The following TAFA2 variants were observed in gnomAD, a reference collection of about 807,000 sequenced individuals.
The protein encoded by TAFA2 is TAFA chemokine like family member 2.
Under a neutral mutation model 18.8 loss-of-function variants are expected in TAFA2, and 7 were observed. That is an observed-to-expected ratio of 0.37 (90% confidence interval 0.21 to 0.70). The LOEUF is 0.70. Ranked by LOEUF, TAFA2 falls within the 30% of genes least tolerant of loss-of-function variation. The pLI is 0.53. For synonymous variants in TAFA2, 60 were observed against 54.2 expected, an observed-to-expected ratio of 1.11 and a Z score of -0.47; for missense variants, 122 against 158.1, an observed-to-expected ratio of 0.77 and a Z score of 1.23.
At chr12:61,912,517 TAA>T (rs1299033766) in intron 1 of TAFA2, among the ~76,000 whole-genome samples, 2 of 152,224 alleles carry the variant, frequency 1.3e-5, no homozygotes, top group African/African-American at 4.8e-5. Context: ...GAATAGAAGT[TAA>T]GTCATAACGA....
chr12:61,788,403 C>T (rs1007696303), intron 2 of TAFA2, among the ~76,000 whole-genome samples: 1 of 151,700 alleles, frequency 6.6e-6, no homozygotes, highest in African/African-American at 2.4e-5. Context: ...GCAGAATACA[C>T]ATTTTTCTCA....
At chr12:62,170,405 C>T (rs902376695) in intron 1 of TAFA2, among the ~76,000 whole-genome samples, 21 of 152,068 alleles carry the variant, frequency 1.4e-4, no homozygotes, top group East Asian at 3.9e-4. Context: ...GAAATGTTGC[C>T]AAGACATGAA....
intron 1 of TAFA2, among the ~76,000 whole-genome samples, chr12:62,241,924 G>T (rs550146589): frequency 6.6e-6 from 1 of 152,218 alleles, no homozygotes; most frequent in African/African-American, 2.4e-5. Context: ...GGTAAAAAAA[G>T]GATATTTTTA....
chr12:61,988,931 A>G (rs1342188772), intron 1 of TAFA2, among the ~76,000 whole-genome samples: 2 of 152,182 alleles, frequency 1.3e-5, no homozygotes, highest in Non-Finnish European at 2.9e-5. Flanking sequence ...TCCAACCTCC[A>G]TATATGGGCA....
intron 2 of TAFA2, among the ~76,000 whole-genome samples, chr12:61,856,449 G>T (rs1317977031): frequency 6.6e-6 from 1 of 151,954 alleles, no homozygotes; most frequent in African/African-American, 2.4e-5. Flanking sequence ...AAAAGAGGAT[G>T]AAATTGGAAA....
intron 1 of TAFA2, among the ~76,000 whole-genome samples, chr12:62,153,325 C>T (rs1387911451): frequency 6.6e-6 from 1 of 152,036 alleles, no homozygotes; most frequent in African/African-American, 2.4e-5. Flanking sequence ...TCTAATTAGA[C>T]AAGATTTCTG....
chr12:62,085,482 C>T (rs1282798990), intron 1 of TAFA2, among the ~76,000 whole-genome samples: 1 of 152,044 alleles, frequency 6.6e-6, no homozygotes, highest in African/African-American at 2.4e-5. Flanking sequence ...TTAATTAATT[C>T]TCATGCTGGC....
At chr12:62,058,356 C>T (rs1882241313) in intron 1 of TAFA2, among the ~76,000 whole-genome samples, 1 of 152,110 alleles carries the variant, frequency 6.6e-6, no homozygotes, top group Non-Finnish European at 1.5e-5. Flanking sequence ...CTCCCTCATT[C>T]TCTCTCTCCT....
At chr12:61,932,920 C>G (rs1370611539) in intron 1 of TAFA2, among the ~76,000 whole-genome samples, 1 of 152,196 alleles carries the variant, frequency 6.6e-6, no homozygotes. Context: ...GCATGGTAGA[C>G]TCTCTGCTGT....
intron 1 of TAFA2, among the ~76,000 whole-genome samples, chr12:61,987,325 A>G (rs1477697801): frequency 1.3e-5 from 2 of 152,200 alleles, no homozygotes; most frequent in African/African-American, 2.4e-5. Flanking sequence ...AATGAGTGCT[A>G]TGTCCACACA....
intron 1 of TAFA2, among the ~76,000 whole-genome samples, chr12:62,116,510 AG>A (rs1207445815): frequency 1.3e-5 from 2 of 151,660 alleles, no homozygotes; most frequent in Non-Finnish European, 2.9e-5. Context: ...TTTATTTAAC[AG>A]TGGTTAATTT....
intron 1 of TAFA2, among the ~76,000 whole-genome samples, chr12:61,893,388 CT>C (rs1383044166): frequency 6.6e-6 from 1 of 152,144 alleles, no homozygotes; most frequent in Non-Finnish European, 1.5e-5. Flanking sequence ...TTCCAATAAG[CT>C]TTGCTATGAA....
chr12:62,002,752 TC>T (rs2136702545), intron 1 of TAFA2, among the ~76,000 whole-genome samples: 1 of 152,290 alleles, frequency 6.6e-6, no homozygotes, highest in South Asian at 2.1e-4. Flanking sequence ...CATATCATAC[TC>T]CCTATTCTAG....
intron 4 of TAFA2, among the ~76,000 whole-genome samples, chr12:61,722,089 A>T (rs1261038921): frequency 6.6e-6 from 1 of 152,210 alleles, no homozygotes; most frequent in Admixed American, 6.6e-5. Flanking sequence ...AATAATAAAT[A>T]ATAAATCGTA....
chr12:61,876,922 G>A (rs748779661), intron 1 of TAFA2, among the ~76,000 whole-genome samples: 1 of 152,200 alleles, frequency 6.6e-6, no homozygotes, highest in Non-Finnish European at 1.5e-5. Flanking sequence ...AAGAGACAGC[G>A]ATGCTGGGAC....
chr12:61,867,246 G>A, intron 2 of TAFA2, 74 bp downstream of exon 2: 1 of 963,906 alleles, frequency 1.0e-6, no homozygotes, highest in Non-Finnish European at 1.6e-6. Flanking sequence ...GACCAGTGGA[G>A]GCAAAACATA....
intron 1 of TAFA2, among the ~76,000 whole-genome samples, chr12:61,931,213 T>A (rs2121394446): frequency 6.6e-6 from 1 of 152,324 alleles, no homozygotes; most frequent in African/African-American, 2.4e-5. Flanking sequence ...CTCTAATCCA[T>A]TTCATGTGTT....
intron 4 of TAFA2, among the ~76,000 whole-genome samples, chr12:61,738,307 A>ACG (rs1188935699): frequency 8.2e-4 from 120 of 146,554 alleles, no homozygotes; most frequent in Non-Finnish European, 4.3e-4. Flanking sequence ...ACACACACAC[A>ACG]CACACACACA....
Position 62,013,642 on chromosome 12 carries a change from G to A in TAFA2, c.-1-146216C>T, listed in dbSNP as rs566497571. ...CACAGTGTGAGTAATGAACTGCACT[G>A]TAAGTTGTACAGAATCATTTAATGA... On this transcript the variant is annotated intron_variant, in intron 1 of 4. Transcript: ENST00000416284. Among the ~76,000 whole-genome samples, 3 of 152,254 alleles carry A rather than the reference G, an allele frequency of 2.0e-5. No homozygotes were observed. The South Asian group carries it at 6.2e-4, about 32-fold the overall frequency.
Sources: allele counts gnomAD v4.1 joint callset (sites outside exome capture counted in the v4.1 genomes callset), GRCh38; gene constraint gnomAD v4.1.1; transcripts MANE v1.5; gene names NCBI Gene and HGNC (gene_info 2026-07-23, HGNC 2026-07-21).